The following PAPSS2 variants were observed in gnomAD, a reference collection of about 807,000 sequenced individuals.
PAPSS2 encodes 3'-phosphoadenosine 5'-phosphosulfate synthase 2.
Under a neutral mutation model 66.5 loss-of-function variants are expected in PAPSS2, and 61 were observed. The ratio of observed to expected loss-of-function variants is 0.92; its 90% CI spans 0.75 to 1.14. The LOEUF (loss-of-function observed/expected upper bound fraction) is 1.14, where lower values mean the gene tolerates loss of function less well. Among genes scored for constraint, PAPSS2 ranks in the 50% most tolerant of loss-of-function variants. PAPSS2 has a pLI of 0.00. For synonymous variants in PAPSS2, 289 were observed against 287.5 expected (o/e 1.01, Z -0.05); for missense variants, 708 against 789.6 (o/e 0.90, Z 1.24).
At position 87,743,476 on chromosome 10, in the gene PAPSS2, G is replaced by C; in HGVS notation, c.1326G>C (p.Pro442=). The C allele has an allele frequency of 6.2e-7, 1 of 1,614,102 alleles. No individual in the cohort carries two copies. Among genetic ancestry groups the C allele is most frequent in the Non-Finnish European group, 8.5e-7 (1 of 1,180,018 alleles). Reference sequence around the variant, plus strand: ...TCCTAGAGAGGGGCTACAAGCACCCGGTCCTCCTACTACACCCTCTGGGCG... The same window carrying C: ...TCCTAGAGAGGGGCTACAAGCACCCCGTCCTCCTACTACACCCTCTGGGCG... ...RRLLERGYKH[P]VLLLHPLGGW... Residue 442 remains proline (P), a synonymous_variant, in exon 11 of 13, where the codon CCG becomes CCC. Coordinates refer to ENST00000456849, the MANE Select transcript of PAPSS2 (RefSeq NM_001015880.2).
chr10:87,673,040 A>T (rs907074697), intron 1 of PAPSS2, among the ~76,000 whole-genome samples: 3 of 152,182 alleles, frequency 2.0e-5, no homozygotes, highest in Non-Finnish European at 4.4e-5. Flanking sequence ...TGATCCTTTA[A>T]GAAAAATTTG....
At chr10:87,671,029 ATC>A (rs1852870922) in intron 1 of PAPSS2, among the ~76,000 whole-genome samples, 1 of 152,200 alleles carries the variant, frequency 6.6e-6, no homozygotes, top group Non-Finnish European at 1.5e-5. Context: ...ACAGTATCCC[ATC>A]TCATCCTCAC....
At position 87,679,941 on chromosome 10, in the gene PAPSS2, G is replaced by A. The variant is rs576988292; in HGVS notation, c.27+19933G>A. On this transcript the variant is annotated intron_variant, in intron 1 of 12. Transcript: ENST00000456849. ...CTTGGGAGGCTGAGGTGGGAGTATCGCTTGAGACTCGAAGGTCAAGGCTGC... is the reference window on the plus strand; with the variant it reads ...CTTGGGAGGCTGAGGTGGGAGTATCACTTGAGACTCGAAGGTCAAGGCTGC... Among the ~76,000 whole-genome samples, 13 of 151,246 alleles carry A rather than the reference G, an allele frequency of 8.6e-5. No individual in the cohort carries two copies. The South Asian group carries it at 2.1e-3, about 24-fold the overall frequency.
chr10:87,729,533 G>A (rs916281758), intron 9 of PAPSS2, among the ~76,000 whole-genome samples: 2 of 151,952 alleles, frequency 1.3e-5, no homozygotes, highest in African/African-American at 2.4e-5. Flanking sequence ...GGCCATTCCC[G>A]CATCTCTCTC....
intron 1 of PAPSS2, among the ~76,000 whole-genome samples, chr10:87,692,529 G>A (rs1853184554): frequency 6.6e-6 from 1 of 152,182 alleles, no homozygotes; most frequent in Non-Finnish European, 1.5e-5. Flanking sequence ...ACATTATCTT[G>A]GAAGCTGAAG....
In PAPSS2 at chr10:87,741,308, G is replaced by A. The variant is rs372476545; in HGVS notation, c.1160G>A (p.Gly387Glu). 1.9e-6 allele frequency: 3 copies of A among 1,613,516 alleles called. No homozygotes were observed. The highest frequency in any genetic ancestry group is 2.5e-6 in the Non-Finnish European group (3 of 1,179,570). ...QVLEKIRWND[G>E]LDQYRLTPLE... ...CTGGAGAAAATAAGATGGAATGATGGGCTGGACCAATACCGTCTGACACCT... is the reference window on the plus strand; with the variant it reads ...CTGGAGAAAATAAGATGGAATGATGAGCTGGACCAATACCGTCTGACACCT... The change falls in exon 10 of 13, where the codon GGG becomes GAG. Residue 387 changes from glycine (G) to glutamate (E), a missense_variant. Transcript: ENST00000456849.
chr10:87,682,494 G>T, intron 1 of PAPSS2, among the ~76,000 whole-genome samples: 1 of 152,140 alleles, frequency 6.6e-6, no homozygotes, highest in East Asian at 1.9e-4. Flanking sequence ...CTCCCTTCTT[G>T]AATTGGAGTG....
chr10:87,702,519 A>G (rs1396974233), intron 1 of PAPSS2, among the ~76,000 whole-genome samples: 1 of 152,202 alleles, frequency 6.6e-6, no homozygotes, highest in Non-Finnish European at 1.5e-5. Flanking sequence ...TGAATCTTCA[A>G]ACTGCACACT....
At chr10:87,728,328 C>G (rs186771346) in intron 9 of PAPSS2, among the ~76,000 whole-genome samples, 244 of 152,312 alleles carry the variant, frequency 1.6e-3, no homozygotes, top group South Asian at 2.7e-3. Context: ...AATCTCCCAG[C>G]ATGTCCCTTT....
At chr10:87,673,219 C>T (rs773144818) in intron 1 of PAPSS2, among the ~76,000 whole-genome samples, 10 of 152,206 alleles carry the variant, frequency 6.6e-5, no homozygotes, top group Non-Finnish European at 1.5e-4. Flanking sequence ...TTTGTTAAAA[C>T]ATTATTTTTT....
intron 7 of PAPSS2, 67 bp downstream of exon 7, chr10:87,715,910 T>C: frequency 9.6e-7 from 1 of 1,041,552 alleles, no homozygotes; most frequent in Non-Finnish European, 1.5e-6. Flanking sequence ...CCCAGAAGTT[T>C]TGCAGGAACA....
At chr10:87,699,861 G>A (rs1388383558) in intron 1 of PAPSS2, among the ~76,000 whole-genome samples, 3 of 150,506 alleles carry the variant, frequency 2.0e-5, no homozygotes, top group Non-Finnish European at 4.4e-5. Context: ...CCATTTTCTG[G>A]TTGAGAAATT....
At chr10:87,673,689 CTTTTTTTT>C (rs34935261) in intron 1 of PAPSS2, among the ~76,000 whole-genome samples, 53 of 67,418 alleles carry the variant, frequency 7.9e-4, no homozygotes, top group East Asian at 1.8e-3. Context: ...TTTTGGCTTA[CTTTTTTTT>C]TTTTTTTTTT....
rs1278540247 is a variant in PAPSS2 at position 87,663,372 on chromosome 10, A to G, written c.27+3364A>G. On this transcript the variant is annotated intron_variant, in intron 1 of 12. Coordinates refer to ENST00000456849, the MANE Select transcript of PAPSS2 (RefSeq NM_001015880.2). ...GGTGATTCACCCACCTTGACCTTCC[A>G]AAGTGCTGGGATTGCAGGCTTGAGC... is the stretch of plus-strand genomic sequence containing the variant. 1.3e-5 allele frequency among the ~76,000 whole-genome samples: 2 copies of G among 152,112 alleles called. 1 individual carries two copies. The highest frequency in any genetic ancestry group is 2.9e-5 in the Non-Finnish European group (2 of 68,026).
chr10:87,739,709 C>T (rs1009598072), intron 9 of PAPSS2, among the ~76,000 whole-genome samples: 1 of 152,302 alleles, frequency 6.6e-6, no homozygotes, highest in Middle Eastern at 3.4e-3. Flanking sequence ...ATTTGAATTG[C>T]TGGTACAAAA....
intron 9 of PAPSS2, among the ~76,000 whole-genome samples, chr10:87,727,870 A>G (rs1853680070): frequency 6.6e-6 from 1 of 151,804 alleles, no homozygotes; most frequent in Non-Finnish European, 1.5e-5. Context: ...CAAGGAACAT[A>G]AGTATCTTCA....
chr10:87,712,560 G>T (rs968454546), intron 2 of PAPSS2, among the ~76,000 whole-genome samples: 65 of 152,116 alleles, frequency 4.3e-4, no homozygotes, highest in Admixed American at 3.3e-4. Context: ...GGCTCAAGGG[G>T]TCTTCCTACC....
At chr10:87,724,118 G>A (rs1449278697) in intron 8 of PAPSS2, among the ~76,000 whole-genome samples, 2 of 152,130 alleles carry the variant, frequency 1.3e-5, no homozygotes, top group East Asian at 1.9e-4. Flanking sequence ...GAGGAACACC[G>A]TTTTGTACAT....
chr10:87,674,875 G>GA (rs944200476), intron 1 of PAPSS2, among the ~76,000 whole-genome samples: 19 of 152,248 alleles, frequency 1.2e-4, no homozygotes, highest in African/African-American at 4.3e-4. Context: ...TCTGAGAGGG[G>GA]ATCCATAGGC....
Sources: allele counts gnomAD v4.1 joint callset (sites outside exome capture counted in the v4.1 genomes callset), GRCh38; gene constraint gnomAD v4.1.1; transcripts MANE v1.5; gene names NCBI Gene and HGNC (gene_info 2026-07-23, HGNC 2026-07-21).